The following DIS3L variants were observed in gnomAD, a reference collection of about 807,000 sequenced individuals.
DIS3L encodes DIS3 like exosome 3'-5' exoribonuclease.
Under a neutral mutation model 120.3 loss-of-function variants are expected in DIS3L, and 100 were observed. The observed-to-expected ratio is 0.83, with a 90% CI of 0.71 to 0.98. DIS3L has a LOEUF of 0.98. Among genes scored for constraint, DIS3L ranks in the 50% least tolerant of loss-of-function variants. DIS3L has a pLI of 0.00. For missense variants in DIS3L, 1,196 were observed against 1,314.2 expected (o/e 0.91, Z 1.39); for synonymous variants, 426 against 470.6 (o/e 0.91, Z 1.23).
intron 11 of DIS3L, among the ~76,000 whole-genome samples, chr15:66,325,225 C>G (rs2092923400): frequency 6.6e-6 from 1 of 152,152 alleles, no homozygotes. Flanking sequence ...GAAACCCCGT[C>G]TCTACTAAAA....
intron 10 of DIS3L, among the ~76,000 whole-genome samples, chr15:66,323,237 A>G (rs1226442992): frequency 2.0e-5 from 3 of 152,208 alleles, no homozygotes; most frequent in African/African-American, 7.2e-5. Context: ...AGTTTTTCTT[A>G]TACGACAAAG....
At chr15:66,294,906 T>G in intron 1 of DIS3L, 82 bp from the exon 2 acceptor site, 3 of 1,372,858 alleles carry the variant, frequency 2.2e-6, no homozygotes, top group African/African-American at 1.5e-5. Flanking sequence ...GAAGTTATTT[T>G]GCATGCCAGA....
At chr15:66,323,827 G>A (rs528607558) in intron 11 of DIS3L, among the ~76,000 whole-genome samples, 6 of 152,158 alleles carry the variant, frequency 3.9e-5, no homozygotes, top group African/African-American at 7.2e-5. Context: ...GGGGCTCTGC[G>A]TCTCCCTCTG....
chr15:66,320,750 G>A lies in DIS3L; in HGVS notation c.1326+18G>A, dbSNP rs755733445. 6.2e-7 allele frequency: 1 copy of A among 1,604,846 alleles called. No individual in the cohort carries two copies. Among genetic ancestry groups the A allele is most frequent in the Admixed American group, 1.7e-5 (1 of 57,958 alleles). ...AAGCTCAGGTCAGATTTTCCAGAAG[G>A]CTTTGATCTAGTGACATTTTCTTTT... On this transcript the variant is annotated intron_variant, in intron 9 of 16. Coordinates refer to ENST00000319212, the MANE Select transcript of DIS3L (RefSeq NM_001143688.3).
intron 2 of DIS3L, among the ~76,000 whole-genome samples, chr15:66,299,743 T>C (rs1223062261): frequency 6.6e-6 from 1 of 152,086 alleles, no homozygotes; most frequent in Non-Finnish European, 1.5e-5. Context: ...ATTGAAAACA[T>C]GTCAACATTG....
chr15:66,308,171 ATCAG>A (rs1334937622), intron 3 of DIS3L, among the ~76,000 whole-genome samples: 1 of 152,146 alleles, frequency 6.6e-6, no homozygotes, highest in Non-Finnish European at 1.5e-5. Context: ...CCCTGTCTCA[ATCAG>A]TCAGTCAATC....
chr15:66,331,781 T>A lies in DIS3L; in HGVS notation c.2536-94T>A, dbSNP rs567046279. ...AGAGAACAATTTTTATATTAATAGT[T>A]TTACAGAATCTCACATTTGAATGAA... On this transcript the variant is annotated intron_variant, in intron 14 of 16. Transcript: ENST00000319212. 50 of 1,343,676 alleles carry A rather than the reference T, an allele frequency of 3.7e-5. No individual in the cohort carries two copies. In the African/African-American group the frequency reaches 6.5e-4, roughly 17 times the overall value. The allele number at this position is 1,343,676 out of a possible 1,614,324, so 83.2% of individuals were successfully genotyped here. A position where few individuals can be genotyped will look rare whatever the true frequency, so the allele number is the denominator to read the frequency against.
In DIS3L at chr15:66,306,868, A is replaced by G; in HGVS notation, c.338A>G (p.Asp113Gly). Residue 113 changes from aspartate (D) to glycine (G), a missense_variant, in exon 3 of 17, where the codon GAT becomes GGT. Physicochemically the swap from Asp to Gly is moderately conservative, Grantham distance 94. Transcript: ENST00000319212. ...AACCTGCTGAAGGATGCGCGTCATG[A>G]TTGCATTCTCTTTGCTAATGAATTC... ...LRNLLKDARH[D>G]CILFANEFQQ... 1 of 1,614,160 alleles carries G rather than the reference A, an allele frequency of 6.2e-7. No individual in the cohort carries two copies. The highest frequency in any genetic ancestry group is 8.5e-7 in the Non-Finnish European group (1 of 1,180,014).
chr15:66,308,529 T>G (rs1468807193), intron 3 of DIS3L, among the ~76,000 whole-genome samples, 180 bp from the exon 4 acceptor site: 1 of 152,182 alleles, frequency 6.6e-6, no homozygotes, highest in Admixed American at 6.5e-5. Context: ...GGTTCATATT[T>G]GTATCCCCCA....
In DIS3L at chr15:66,320,274, A is replaced by T. The variant is rs182096260; in HGVS notation, c.1165-297A>T. 5.6e-3 allele frequency among the ~76,000 whole-genome samples: 849 copies of T among 152,320 alleles called. 3 individuals are homozygous for T. The highest frequency in any genetic ancestry group is 9.7e-3 in the Non-Finnish European group (659 of 68,042). ...TTGCAAGCGTTAACTAGAATATATTACAGTTAACTAGAATATATTACGGCT... is the reference window on the plus strand; with the variant it reads ...TTGCAAGCGTTAACTAGAATATATTTCAGTTAACTAGAATATATTACGGCT... On this transcript the variant is annotated intron_variant, in intron 8 of 16. Transcript: ENST00000319212.
Position 66,306,084 on chromosome 15 carries a change from T to G in DIS3L, c.294-740T>G, listed in dbSNP as rs961613331. Among the ~76,000 whole-genome samples the G allele has an allele frequency of 3.3e-5, 5 of 152,084 alleles. No individual in the cohort carries two copies. The South Asian group carries it at 1.0e-3, about 32-fold the overall frequency. On this transcript the variant is annotated intron_variant, in intron 2 of 16. Coordinates refer to ENST00000319212, the MANE Select transcript of DIS3L (RefSeq NM_001143688.3). ...GCCTTGACTTCCCAAGCTCAAGCAA[T>G]CTTCCCACCTCAGCCTCCCAAGTAG... is the stretch of plus-strand genomic sequence containing the variant.
intron 11 of DIS3L, among the ~76,000 whole-genome samples, chr15:66,324,803 A>G (rs1215778527): frequency 6.6e-6 from 1 of 152,152 alleles, no homozygotes; most frequent in Non-Finnish European, 1.5e-5. Flanking sequence ...TGTTAACTAT[A>G]TTCTTCGCCC....
Position 66,315,182 on chromosome 15 carries a change from T to C in DIS3L, c.961T>C (p.Ser321Pro), listed in dbSNP as rs1367717123. 1 of 1,613,880 alleles carries C rather than the reference T, an allele frequency of 6.2e-7. No homozygotes were observed. The highest frequency in any genetic ancestry group is 2.2e-5 in the East Asian group (1 of 44,876). Reference sequence around the variant, plus strand: ...TGAGAATGACTGTGACGACAAGGCTTCGGGCGAGTCCCCAAGTGAGCCCAT... The same window carrying C: ...TGAGAATGACTGTGACGACAAGGCTCCGGGCGAGTCCCCAAGTGAGCCCAT... The part of the protein sequence containing the change: ...LCENDCDDKA[S>P]GESPSEPMPT... Residue 321 changes from serine (S) to proline (P), a missense_variant, in exon 7 of 17, where the codon TCG becomes CCG. By Grantham distance (74) the Ser-to-Pro change is moderately conservative. Transcript: ENST00000319212.
intron 5 of DIS3L, 93 bp from the exon 6 acceptor site, chr15:66,313,946 T>A: frequency 1.1e-6 from 1 of 929,474 alleles, no homozygotes; most frequent in South Asian, 1.7e-5. Flanking sequence ...ATTATGGGGA[T>A]GTTTTCACAT....
At chr15:66,329,580 C>T (rs2092977118) in intron 14 of DIS3L, 181 bp downstream of exon 14, 8 of 1,293,208 alleles carry the variant, frequency 6.2e-6, no homozygotes, top group South Asian at 4.8e-5. Context: ...GGAGATTTGA[C>T]GGTAGATTAT....
At chr15:66,325,644 C>T (rs2092927508) in intron 11 of DIS3L, among the ~76,000 whole-genome samples, 187 bp from the exon 12 acceptor site, 1 of 152,108 alleles carries the variant, frequency 6.6e-6, no homozygotes, top group South Asian at 2.1e-4. Context: ...GTGGCTTACA[C>T]CTGTAATCGC....
chr15:66,330,224 G>A, intron 14 of DIS3L: 1 of 940,270 alleles, frequency 1.1e-6, no homozygotes, highest in Non-Finnish European at 1.3e-6. Flanking sequence ...GTGAACCCGG[G>A]AGGCGGAGCT....
chr15:66,311,287 A>T (rs2092758728), intron 4 of DIS3L, among the ~76,000 whole-genome samples: 1 of 151,748 alleles, frequency 6.6e-6, no homozygotes, highest in African/African-American at 2.4e-5. Flanking sequence ...TGCTTAAGGC[A>T]GGGGGAGGTC....
rs140694925 is a variant in DIS3L, at chr15:66,294,891, G to A, written c.140-97G>A. On this transcript the variant is annotated intron_variant, in intron 1 of 16. Transcript: ENST00000319212. ...TTAAAAACTCCCACCATGGAGTTAA[G>A]ACTGGAAGTTATTTTGCATGCCAGA... 2.8e-3 allele frequency: 3,516 copies of A among 1,267,684 alleles called. 4 individuals are homozygous for A. Among genetic ancestry groups the A allele is most frequent in the Non-Finnish European group, 3.5e-3 (3,218 of 927,010 alleles). The allele number at this position is 1,267,684 out of a possible 1,614,324, so 78.5% of individuals were successfully genotyped here.
Sources: allele counts gnomAD v4.1 joint callset (sites outside exome capture counted in the v4.1 genomes callset), GRCh38; gene constraint gnomAD v4.1.1; transcripts MANE v1.5; gene names NCBI Gene and HGNC (gene_info 2026-07-23, HGNC 2026-07-21).